Variants in KCNIP2 observed in about 807,000 individuals in gnomAD.
KCNIP2 encodes the protein potassium voltage-gated channel interacting protein 2, also known as A-type potassium channel modulatory protein KCNIP2.
A neutral mutation model predicts 39.0 loss-of-function variants in KCNIP2; 19 were observed. The ratio of observed to expected loss-of-function variants is 0.49; its 90% CI spans 0.34 to 0.71. The LOEUF is 0.71. KCNIP2 is among the 30% of genes least tolerant of loss of function. The pLI is 0.01. For missense variants in KCNIP2, 261 were observed against 346.0 expected (o/e 0.75, Z 1.95); for synonymous variants, 111 against 131.2 (o/e 0.85, Z 1.05).
chr10:101,833,715 TAC>T (rs1400773845), intron 1 of KCNIP2, among the ~76,000 whole-genome samples: 1 of 152,060 alleles, frequency 6.6e-6, no homozygotes, highest in Non-Finnish European at 1.5e-5. Flanking sequence ...GGCTCACAGT[TAC>T]ACACTTTGTA....
chr10:101,830,416 A>G, intron 2 of KCNIP2: 1 of 1,292,076 alleles, frequency 7.7e-7, no homozygotes, highest in Non-Finnish European at 1.0e-6. Context: ...GGAGTTGAAG[A>G]CACTAACCCA....
chr10:101,829,935 C>A, intron 2 of KCNIP2, 38 bp from the exon 3 acceptor site: 2 of 1,541,566 alleles, frequency 1.3e-6, no homozygotes, highest in Non-Finnish European at 1.7e-6. Context: ...AGCGGAAGAC[C>A]CGGCCAACTG....
chr10:101,843,649 T>C lies in KCNIP2; in HGVS notation c.-81A>G, dbSNP rs2066399925. On this transcript the variant is annotated 5_prime_UTR_variant, in exon 1 of 10. Coordinates refer to ENST00000356640, the MANE Select transcript of KCNIP2 (RefSeq NM_173191.3). This position sits in a 1 kb window ranked among gnomAD's most constrained non-coding sequence, Gnocchi z 6.7. Reference sequence around the variant, plus strand: ...GATAGGGCGCTCACACGGCGCCCCCTGGCGGCCTACTGTGCTGTCGGGGCT... The same window carrying C: ...GATAGGGCGCTCACACGGCGCCCCCCGGCGGCCTACTGTGCTGTCGGGGCT... 4 of 763,822 alleles carry C rather than the reference T, an allele frequency of 5.2e-6. No homozygotes were observed. The highest frequency in any genetic ancestry group is 7.9e-6 in the Non-Finnish European group (4 of 508,410). The allele number at this position is 763,822 out of a possible 1,614,324, so 47.3% of individuals were successfully genotyped here.
At chr10:101,830,362 C>T in intron 2 of KCNIP2, 1 of 1,260,774 alleles carries the variant, frequency 7.9e-7, no homozygotes, top group Non-Finnish European at 1.0e-6. Flanking sequence ...ATAGGCAACA[C>T]ACATCAGGGG....
Position 101,838,862 on chromosome 10 carries a change from T to C in KCNIP2, c.73+4634A>G, listed in dbSNP as rs998961055. ...ACAGGACCAGGTTGTTTTGGTCTGT[T>C]TGAGGTCAGGTACAGAGGAGACGTT... On this transcript the variant is annotated intron_variant, in intron 1 of 9. Transcript: ENST00000356640. This position sits in a 1 kb window ranked among gnomAD's most constrained non-coding sequence, Gnocchi z 4.0. 6.6e-6 allele frequency among the ~76,000 whole-genome samples: 1 copy of C among 152,194 alleles called. No homozygotes were observed. Among genetic ancestry groups the C allele is most frequent in the Non-Finnish European group, 1.5e-5 (1 of 68,032 alleles).
At position 101,828,036 on chromosome 10, in the gene KCNIP2, A is replaced by G. The variant is rs979357444; in HGVS notation, c.598-43T>C. ...AAGAGGATCCTTCCTCAGAGCCTCC[A>G]GCCTCCCTTGATCCCTTGCTTGTGG... is the stretch of plus-strand genomic sequence containing the variant. On this transcript the variant is annotated intron_variant, in intron 7 of 9. Transcript: ENST00000356640. The surrounding 1 kb of genome is among the most constrained non-coding windows in gnomAD (Gnocchi z 6.6). The G allele has an allele frequency of 1.9e-6, 3 of 1,577,228 alleles. No individual in the cohort carries two copies. Among genetic ancestry groups the G allele is most frequent in the East Asian group, 2.2e-5 (1 of 44,660 alleles).
Position 101,828,401 on chromosome 10 carries a change from C to G in KCNIP2, c.477G>C (p.Ser159=), listed in dbSNP as rs201180498. 1 of 1,614,114 alleles carries G rather than the reference C, an allele frequency of 6.2e-7. No homozygotes were observed. ...TCGCCCAGCTCACCTCAAAACTGAC[C>G]GAGCCATCATGGTTGGTGTCAAAGG... ...FNAFDTNHDG[S]VSFEDFVAGL... is the part of the protein sequence containing the mutation. The change falls in exon 6 of 10, where the codon TCG becomes TCC. Residue 159 remains serine, a synonymous_variant. Transcript: ENST00000356640. The surrounding 1 kb of genome is among the most constrained non-coding windows in gnomAD (Gnocchi z 6.6).
At chr10:101,841,426 A>C (rs1439995246) in intron 1 of KCNIP2, among the ~76,000 whole-genome samples, 1 of 152,170 alleles carries the variant, frequency 6.6e-6, no homozygotes, top group African/African-American at 2.4e-5. Flanking sequence ...CTTCGTTGAC[A>C]CTGGCGTCCC....
intron 1 of KCNIP2, among the ~76,000 whole-genome samples, chr10:101,831,902 A>C (rs1360890939): frequency 6.6e-6 from 1 of 152,150 alleles, no homozygotes; most frequent in Admixed American, 6.5e-5. Context: ...TCATACTGTG[A>C]CCTGGGTCCC....
intron 1 of KCNIP2, chr10:101,839,992 T>G: frequency 1.3e-5 from 5 of 388,902 alleles, no homozygotes; most frequent in East Asian, 1.3e-4. Context: ...CATGTTCTCC[T>G]GGCCGCACGA....
rs2065756632 is a variant in KCNIP2, at chr10:101,826,656, G to A, written c.*697C>T. The A allele has an allele frequency of 1.3e-5, 2 of 152,206 alleles. No individual in the cohort carries two copies. The highest frequency in any genetic ancestry group is 4.1e-4 in the South Asian group (2 of 4,826). The allele number at this position is 152,206 out of a possible 1,614,324, so 9.4% of individuals were successfully genotyped here. A position where few individuals can be genotyped will look rare whatever the true frequency, so the allele number is the denominator to read the frequency against. Reference sequence around the variant, plus strand: ...AGATATCTGGCCCCAGGCTCTCCATGGATACCGAGGAGGGTGTGGAAAATT... The same window carrying A: ...AGATATCTGGCCCCAGGCTCTCCATAGATACCGAGGAGGGTGTGGAAAATT... On this transcript the variant is annotated 3_prime_UTR_variant, in exon 10 of 10. Transcript: ENST00000356640.
In KCNIP2 at chr10:101,827,746, C is replaced by T. The variant is rs1195427122; in HGVS notation, c.708G>A (p.Met236Ile). The part of the protein sequence containing the change: ...REHVESFFQK[M>I]DRNKDGVVTI... ...TCACCACACCATCCTTGTTTCTGTC[C>T]ATCTTCTGCAAGAAGGTGGTCAGGC... The change falls in exon 9 of 10, where the codon ATG (methionine) becomes ATA (isoleucine). Residue 236 changes from methionine to isoleucine, a missense_variant. Physicochemically the swap from Met to Ile is conservative, Grantham distance 10. Coordinates refer to ENST00000356640, the MANE Select transcript of KCNIP2 (RefSeq NM_173191.3). 2 of 1,612,706 alleles carry T rather than the reference C, an allele frequency of 1.2e-6. No individual in the cohort carries two copies. Among genetic ancestry groups the T allele is most frequent in the Non-Finnish European group, 1.7e-6 (2 of 1,178,736 alleles).
At chr10:101,835,220 T>A (rs926136505) in intron 1 of KCNIP2, among the ~76,000 whole-genome samples, 10 of 152,184 alleles carry the variant, frequency 6.6e-5, no homozygotes, top group African/African-American at 2.2e-4. Context: ...GAGAAGGCAG[T>A]GACCTCTCCT....
chr10:101,840,550 A>ACCC (rs5787446), intron 1 of KCNIP2, among the ~76,000 whole-genome samples: 15 of 96,038 alleles, frequency 1.6e-4, no homozygotes, highest in East Asian at 6.6e-4. Flanking sequence ...CCCCCCCCGC[A>ACCC]CCCCCCCCCC....
chr10:101,839,738 C>G, intron 1 of KCNIP2: 1 of 1,611,798 alleles, frequency 6.2e-7, no homozygotes, highest in Non-Finnish European at 8.5e-7. Context: ...CCCTCCCTTC[C>G]CTTCCTCATC....
rs1394397627 is a variant in KCNIP2, at chr10:101,826,652, C to T, written c.*701G>A. 1 of 152,206 alleles carries T rather than the reference C, an allele frequency of 6.6e-6. No individual in the cohort carries two copies. The highest frequency in any genetic ancestry group is 2.4e-5 in the African/African-American group (1 of 41,412). The allele number at this position is 152,206 out of a possible 1,614,324, so 9.4% of individuals were successfully genotyped here. On this transcript the variant is annotated 3_prime_UTR_variant, in exon 10 of 10. Transcript: ENST00000356640. ...AGCCAGATATCTGGCCCCAGGCTCTCCATGGATACCGAGGAGGGTGTGGAA... is the reference window on the plus strand; with the variant it reads ...AGCCAGATATCTGGCCCCAGGCTCTTCATGGATACCGAGGAGGGTGTGGAA...
In KCNIP2 at chr10:101,829,130, T is replaced by G; in HGVS notation, c.293A>C (p.Glu98Ala). ...CTCCTTGCGCGTGAATTTGGTTTGC[T>G]CCTGCAGCTGCTCCAGACCCTCAGG... ...HRPEGLEQLQEQTKFTRKELQ... is the reference protein window; with the variant it reads ...HRPEGLEQLQAQTKFTRKELQ... Residue 98 changes from glutamate (E) to alanine (A), a missense_variant, in exon 4 of 10, where the codon GAG becomes GCG. Glu to Ala is a moderately radical substitution (Grantham distance 107). Coordinates refer to ENST00000356640, the MANE Select transcript of KCNIP2 (RefSeq NM_173191.3). 1 of 1,614,196 alleles carries G rather than the reference T, an allele frequency of 6.2e-7. No individual in the cohort carries two copies. The highest frequency in any genetic ancestry group is 1.1e-5 in the South Asian group (1 of 91,086).
intron 1 of KCNIP2, among the ~76,000 whole-genome samples, chr10:101,837,891 C>A (rs975113203): frequency 6.6e-6 from 1 of 152,186 alleles, no homozygotes; most frequent in Non-Finnish European, 1.5e-5. Context: ...CCCACAACAG[C>A]CCCTTCTTGC....
At position 101,843,616 on chromosome 10, in the gene KCNIP2, G is replaced by T; in HGVS notation, c.-48C>A. 1 of 1,230,640 alleles carries T rather than the reference G, an allele frequency of 8.1e-7. No homozygotes were observed. The highest frequency in any genetic ancestry group is 1.1e-6 in the Non-Finnish European group (1 of 914,002). 76.2% of individuals were successfully genotyped at this position (1,230,640 alleles called of 1,614,324 possible). A position where few individuals can be genotyped will look rare whatever the true frequency, so the allele number is the denominator to read the frequency against. ...CCCGGGCCGTGGGAGGGGGCGCCGG[G>T]TGGCCGGGATAGGGCGCTCACACGG... On this transcript the variant is annotated 5_prime_UTR_variant, in exon 1 of 10. Transcript: ENST00000356640. This position sits in a 1 kb window ranked among gnomAD's most constrained non-coding sequence, Gnocchi z 6.7.
Sources: allele counts gnomAD v4.1 joint callset (sites outside exome capture counted in the v4.1 genomes callset), GRCh38; gene constraint gnomAD v4.1.1; non-coding constraint Gnocchi (gnomAD v3.1); transcripts MANE v1.5; gene names NCBI Gene and HGNC (gene_info 2026-07-23, HGNC 2026-07-21).